NRG3: variants seen among roughly 807,000 people sequenced by gnomAD.
The protein encoded by NRG3 is neuregulin 3.
NRG3 carries 31 observed loss-of-function variants against 66.9 expected under a neutral mutation model. The ratio of observed to expected loss-of-function variants is 0.46; its 90% CI spans 0.35 to 0.63. NRG3 has a LOEUF of 0.63. Among genes scored for constraint, NRG3 ranks in the 20% least tolerant of loss-of-function variants. The pLI is 0.00. For missense variants in NRG3, 910 were observed against 878.9 expected, an observed-to-expected ratio of 1.04 and a Z score of -0.45; for synonymous variants, 393 against 359.4, an observed-to-expected ratio of 1.09 and a Z score of -1.06.
At chr10:82,359,795 A>G (rs1433774673) in intron 2 of NRG3, among the ~76,000 whole-genome samples, 1 of 152,172 alleles carries the variant, frequency 6.6e-6, no homozygotes, top group African/African-American at 2.4e-5. Flanking sequence ...ATGGAAAATT[A>G]TGACTTTTTT....
chr10:82,962,058 T>C (rs1850700252), intron 6 of NRG3, among the ~76,000 whole-genome samples: 1 of 152,218 alleles, frequency 6.6e-6, no homozygotes, highest in Non-Finnish European at 1.5e-5. Flanking sequence ...GGTTTCACTT[T>C]ATAGTCATCT....
Position 82,018,865 on chromosome 10 carries a change from A to G in NRG3, c.823+142702A>G, listed in dbSNP as rs201772394. On this transcript the variant is annotated intron_variant, in intron 1 of 8. Transcript: ENST00000372141. Reference sequence around the variant, plus strand: ...GACGATGGGGTTTTCTAGATATACAATCATGTCATCTGCAAACAGGGACAA... The same window carrying G: ...GACGATGGGGTTTTCTAGATATACAGTCATGTCATCTGCAAACAGGGACAA... 3.9e-5 allele frequency among the ~76,000 whole-genome samples: 6 copies of G among 152,126 alleles called. No individual in the cohort carries two copies. The East Asian group carries it at 9.6e-4, about 24-fold the overall frequency.
At chr10:82,919,154 T>G (rs1846176075) in intron 4 of NRG3, among the ~76,000 whole-genome samples, 1 of 151,812 alleles carries the variant, frequency 6.6e-6, no homozygotes, top group South Asian at 2.1e-4. Flanking sequence ...CTCCATTTTC[T>G]CAAAGCAGCA....
At chr10:82,473,271 C>T (rs1326224208) in intron 2 of NRG3, among the ~76,000 whole-genome samples, 4 of 152,152 alleles carry the variant, frequency 2.6e-5, no homozygotes, top group African/African-American at 9.7e-5. Context: ...AGGAACTGCT[C>T]TTTGCCCTTT....
intron 2 of NRG3, among the ~76,000 whole-genome samples, chr10:82,540,337 C>G (rs561435660): frequency 1.3e-5 from 2 of 152,212 alleles, no homozygotes; most frequent in South Asian, 4.1e-4. Context: ...CTCCCTTCTT[C>G]TGTTTTCTCT....
At chr10:82,866,927 G>A (rs975116895) in intron 4 of NRG3, among the ~76,000 whole-genome samples, 1 of 152,154 alleles carries the variant, frequency 6.6e-6, no homozygotes, top group Non-Finnish European at 1.5e-5. Flanking sequence ...TGGATAAGTT[G>A]TCTAATGGAT....
intron 1 of NRG3, among the ~76,000 whole-genome samples, chr10:81,935,769 C>T (rs1183512500): frequency 6.6e-6 from 1 of 152,090 alleles, no homozygotes; most frequent in African/African-American, 2.4e-5. Context: ...TCCTGACCAA[C>T]CTGTATAACC....
At chr10:82,272,355 G>A (rs1341893367) in intron 1 of NRG3, among the ~76,000 whole-genome samples, 1 of 152,086 alleles carries the variant, frequency 6.6e-6, no homozygotes, top group African/African-American at 2.4e-5. Flanking sequence ...CAGTGCTGGA[G>A]GGGCTGGCTG....
intron 2 of NRG3, among the ~76,000 whole-genome samples, chr10:82,622,388 G>T (rs1335904346): frequency 6.6e-6 from 1 of 152,016 alleles, no homozygotes; most frequent in Non-Finnish European, 1.5e-5. Flanking sequence ...AGAAGTTAAT[G>T]AAAATCATTT....
At chr10:81,887,129 T>C (rs1285090250) in intron 1 of NRG3, among the ~76,000 whole-genome samples, 1 of 152,182 alleles carries the variant, frequency 6.6e-6, no homozygotes, top group African/African-American at 2.4e-5. Context: ...CTAAAGAGTT[T>C]GTTTCTTAAT....
At chr10:82,084,026 G>A (rs2065565016) in intron 1 of NRG3, among the ~76,000 whole-genome samples, 1 of 151,626 alleles carries the variant, frequency 6.6e-6, no homozygotes, top group African/African-American at 2.4e-5. Flanking sequence ...TTGGGAGTTC[G>A]AGACCAGCCT....
At chr10:82,248,420 C>A (rs2134070824) in intron 1 of NRG3, among the ~76,000 whole-genome samples, 1 of 152,276 alleles carries the variant, frequency 6.6e-6, no homozygotes, top group South Asian at 2.1e-4. Context: ...AGATGTTGAA[C>A]TGGCTCCTCC....
chr10:82,105,213 A>G (rs997400752), intron 1 of NRG3, among the ~76,000 whole-genome samples: 2 of 152,188 alleles, frequency 1.3e-5, no homozygotes, highest in African/African-American at 4.8e-5. Flanking sequence ...ATCAATTTTC[A>G]TTATAGAATT....
At chr10:82,042,746 A>G (rs1432591341) in intron 1 of NRG3, among the ~76,000 whole-genome samples, 2 of 152,040 alleles carry the variant, frequency 1.3e-5, no homozygotes, top group African/African-American at 4.8e-5. Context: ...TTTTTCAACT[A>G]TTAGGCTGTT....
At chr10:82,581,578 G>A (rs2046357875) in intron 2 of NRG3, among the ~76,000 whole-genome samples, 1 of 152,018 alleles carries the variant, frequency 6.6e-6, no homozygotes, top group Non-Finnish European at 1.5e-5. Context: ...GGGATGAGGA[G>A]AATGGGAAAT....
chr10:82,074,815 A>T (rs1177408680), intron 1 of NRG3, among the ~76,000 whole-genome samples: 1 of 152,208 alleles, frequency 6.6e-6, no homozygotes, highest in African/African-American at 2.4e-5. Flanking sequence ...TCAGCCTGGG[A>T]GACAGAGCTA....
intron 1 of NRG3, among the ~76,000 whole-genome samples, chr10:81,933,519 G>T (rs1363730080): frequency 6.6e-6 from 1 of 152,176 alleles, no homozygotes; most frequent in Non-Finnish European, 1.5e-5. Flanking sequence ...CCATGTTGGT[G>T]TGTTGCACCC....
At chr10:82,743,496 A>G (rs1039774057) in intron 3 of NRG3, among the ~76,000 whole-genome samples, 1 of 152,132 alleles carries the variant, frequency 6.6e-6, no homozygotes, top group Non-Finnish European at 1.5e-5. Flanking sequence ...AAAGAAAAAA[A>G]CAATCTTCGG....
chr10:82,073,195 T>C (rs187557903), intron 1 of NRG3, among the ~76,000 whole-genome samples: 2 of 152,164 alleles, frequency 1.3e-5, no homozygotes, highest in Non-Finnish European at 2.9e-5. Flanking sequence ...ATGTGTAATG[T>C]GTACAAGTGA....
Sources: allele counts gnomAD v4.1 joint callset (sites outside exome capture counted in the v4.1 genomes callset), GRCh38; gene constraint gnomAD v4.1.1; transcripts MANE v1.5; gene names NCBI Gene and HGNC (gene_info 2026-07-23, HGNC 2026-07-21).